COMMD1: variants seen among roughly 807,000 people sequenced by gnomAD.
The protein encoded by COMMD1 is COMM domain-containing protein 1.
In COMMD1, 10 loss-of-function variants were observed where a neutral mutation model predicts 17.2. The observed-to-expected ratio is 0.58, with a 90% CI of 0.36 to 0.99. COMMD1 has a LOEUF of 0.99. Ranked by LOEUF, COMMD1 falls within the 50% of genes least tolerant of loss-of-function variation. The probability of loss-of-function intolerance (pLI) is 0.01; values close to 1 mark genes in which losing one functional copy is unlikely to be tolerated. For missense variants in COMMD1, 270 were observed against 231.8 expected (o/e 1.17, Z -1.07); for synonymous variants, 97 against 91.6 (o/e 1.06, Z -0.34).
intron 2 of COMMD1, among the ~76,000 whole-genome samples, chr2:62,020,396 G>A (rs986054885): frequency 6.6e-6 from 1 of 152,138 alleles, no homozygotes; most frequent in African/African-American, 2.4e-5. Context: ...CACACTCTGA[G>A]TTTTCTTTTC....
At chr2:61,993,599 C>G (rs1453174987) in intron 1 of COMMD1, among the ~76,000 whole-genome samples, 1 of 152,172 alleles carries the variant, frequency 6.6e-6, no homozygotes, top group Admixed American at 6.5e-5. Flanking sequence ...GGATGAGTAC[C>G]AGGCTGTCAG....
chr2:61,903,431 A>G (rs1669700678), upstream of COMMD1, among the ~76,000 whole-genome samples: 1 of 151,902 alleles, frequency 6.6e-6, no homozygotes, highest in Admixed American at 6.6e-5. Flanking sequence ...GCAACAGAGT[A>G]AAACTTTGTC....
chr2:62,065,989 G>A (rs941432762), intron 2 of COMMD1, among the ~76,000 whole-genome samples: 1 of 152,194 alleles, frequency 6.6e-6, no homozygotes, highest in African/African-American at 2.4e-5. Flanking sequence ...ACAGACTCAG[G>A]TGTAGAAATT....
At chr2:62,013,152 A>C (rs941548674) in intron 2 of COMMD1, among the ~76,000 whole-genome samples, 5 of 152,146 alleles carry the variant, frequency 3.3e-5, no homozygotes, top group African/African-American at 1.2e-4. Flanking sequence ...CTGAGATCCC[A>C]GGGGGAAAAT....
chr2:62,050,411 G>GT (rs1343826999), intron 2 of COMMD1, among the ~76,000 whole-genome samples: 7 of 152,138 alleles, frequency 4.6e-5, no homozygotes, highest in Non-Finnish European at 7.4e-5. Context: ...AGTATTTTGT[G>GT]TATCTTTCAG....
intron 2 of COMMD1, among the ~76,000 whole-genome samples, chr2:62,126,551 G>C (rs907616890): frequency 6.6e-6 from 1 of 152,068 alleles, no homozygotes; most frequent in African/African-American, 2.4e-5. Flanking sequence ...ACATTTGTTG[G>C]CTGCATGAAT....
intron 2 of COMMD1, among the ~76,000 whole-genome samples, chr2:62,074,189 A>T (rs1469696441): frequency 6.6e-6 from 1 of 152,202 alleles, no homozygotes; most frequent in African/African-American, 2.4e-5. Context: ...AGGAAGCTCC[A>T]TTGAGACTCT....
At chr2:62,028,578 A>G (rs1326812059) in intron 2 of COMMD1, among the ~76,000 whole-genome samples, 3 of 152,178 alleles carry the variant, frequency 2.0e-5, no homozygotes, top group Admixed American at 6.5e-5. Flanking sequence ...TTCTCCAAAA[A>G]AAAGGAAAAT....
At chr2:61,942,416 G>A (rs1670773983) in intron 1 of COMMD1, among the ~76,000 whole-genome samples, 1 of 149,140 alleles carries the variant, frequency 6.7e-6, no homozygotes, top group African/African-American at 2.5e-5. Flanking sequence ...TTGTTTGTTG[G>A]TTTGTTTATT....
intron 1 of COMMD1, among the ~76,000 whole-genome samples, chr2:61,989,716 G>A (rs761476401): frequency 1.5e-4 from 23 of 151,958 alleles, no homozygotes; most frequent in African/African-American, 9.7e-5. Flanking sequence ...CGCCCACGTC[G>A]GCCTCCCAAA....
intron 1 of COMMD1, among the ~76,000 whole-genome samples, chr2:61,968,506 T>C (rs1671563374): frequency 6.6e-6 from 1 of 152,032 alleles, no homozygotes; most frequent in African/African-American, 2.4e-5. Flanking sequence ...ACAAAATCAG[T>C]TTGCTTTTCT....
chr2:61,969,839 C>A (rs572100261), intron 1 of COMMD1, among the ~76,000 whole-genome samples: 2 of 152,228 alleles, frequency 1.3e-5, no homozygotes, highest in East Asian at 3.9e-4. Context: ...AACTTAGTCA[C>A]TGAAGAAATA....
intron 1 of COMMD1, among the ~76,000 whole-genome samples, chr2:61,981,510 T>G (rs1321108164): frequency 6.6e-6 from 1 of 152,164 alleles, no homozygotes; most frequent in Non-Finnish European, 1.5e-5. Flanking sequence ...GTGTGTCTGT[T>G]TTTATGCCAG....
chr2:61,912,441 A>C (rs940537520), intron 1 of COMMD1, among the ~76,000 whole-genome samples: 5 of 152,206 alleles, frequency 3.3e-5, no homozygotes, highest in African/African-American at 1.2e-4. Flanking sequence ...CTTTAGAAAT[A>C]AAGTTTTATT....
intron 2 of COMMD1, among the ~76,000 whole-genome samples, chr2:62,022,398 A>G (rs1292514624): frequency 6.7e-6 from 1 of 148,292 alleles, no homozygotes; most frequent in African/African-American, 2.5e-5. Flanking sequence ...TCTAGAAACT[A>G]TAAGTTAGAT....
At chr2:62,119,444 A>C (rs576791478) in intron 2 of COMMD1, among the ~76,000 whole-genome samples, 1 of 152,302 alleles carries the variant, frequency 6.6e-6, no homozygotes, top group African/African-American at 2.4e-5. Context: ...AATAAAATTA[A>C]TCCTCACAAC....
intron 1 of COMMD1, among the ~76,000 whole-genome samples, chr2:61,898,895 T>C (rs1669604590): frequency 6.6e-6 from 1 of 152,188 alleles, no homozygotes; most frequent in African/African-American, 2.4e-5. Flanking sequence ...ATAGGTTGTT[T>C]TGAGAGTTAA....
chr2:62,042,175 T>C (rs1302307184), intron 2 of COMMD1, among the ~76,000 whole-genome samples: 1 of 152,206 alleles, frequency 6.6e-6, no homozygotes, highest in Non-Finnish European at 1.5e-5. Context: ...ACAGCGCTGA[T>C]TGGTGCACTT....
intron 1 of COMMD1, among the ~76,000 whole-genome samples, chr2:61,909,401 A>G (rs949074004): frequency 2.0e-5 from 3 of 152,210 alleles, no homozygotes; most frequent in African/African-American, 7.2e-5. Flanking sequence ...CTTCTTAGAT[A>G]TGCCATTTTT....
Sources: gnomAD v4.1 joint callset for allele counts (sites outside exome capture counted in the v4.1 genomes callset) on GRCh38, gnomAD v4.1.1 for gene constraint, MANE v1.5 for transcripts, NCBI Gene and HGNC (gene_info 2026-07-23, HGNC 2026-07-21) for gene names.